Variants in ANO2 observed in about 807,000 individuals in gnomAD.
ANO2 encodes anoctamin 2.
In ANO2, 101 loss-of-function variants were observed where a neutral mutation model predicts 124.2. The observed-to-expected ratio is 0.81, with a 90% CI of 0.69 to 0.96. The LOEUF is 0.96. Among genes scored for constraint, ANO2 ranks in the 40% least tolerant of loss-of-function variants. ANO2 has a pLI of 0.00. For missense variants in ANO2, 1,293 were observed against 1,274.5 expected (o/e 1.01, Z -0.22); for synonymous variants, 486 against 482.5 (o/e 1.01, Z -0.09).
chr12:5,612,757 C>A lies in ANO2; in HGVS notation c.1987-1G>T. The A allele has an allele frequency of 6.2e-7, 1 of 1,613,760 alleles. No homozygotes were observed. On this transcript the variant is annotated splice_acceptor_variant, in intron 18 of 24. Coordinates refer to ENST00000682330, the MANE Select transcript of ANO2 (RefSeq NM_001364791.2). LOFTEE classifies it high-confidence loss of function. ...CCATGAGACAGCCCCCTGGAGCACA[C>A]TGCAGGGAGAAGATAAGGAAAGGAC...
chr12:5,577,447 G>A (rs1230797819), intron 22 of ANO2, among the ~76,000 whole-genome samples: 1 of 152,238 alleles, frequency 6.6e-6, no homozygotes, highest in Non-Finnish European at 1.5e-5. Context: ...TCTGGCAAGG[G>A]AGTTAAGGAG....
At chr12:5,883,622 G>A (rs199974183) in intron 3 of ANO2, among the ~76,000 whole-genome samples, 1 of 151,818 alleles carries the variant, frequency 6.6e-6, no homozygotes, top group East Asian at 1.9e-4. Context: ...CCATGGAGAA[G>A]CAGGGTGTGG....
intron 14 of ANO2, among the ~76,000 whole-genome samples, chr12:5,675,618 A>G (rs2136993423): frequency 6.6e-6 from 1 of 152,272 alleles, no homozygotes; most frequent in Admixed American, 6.5e-5. Context: ...CTCGTAACCC[A>G]TTCCCTTGCC....
Position 5,635,004 on chromosome 12 carries a change from C to T in ANO2, c.1816+148G>A, listed in dbSNP as rs1945929333. 1.5e-6 allele frequency: 1 copy of T among 674,006 alleles called. No individual in the cohort carries two copies. The highest frequency in any genetic ancestry group is 3.7e-5 in the Admixed American group (1 of 27,382). The allele number at this position is 674,006 out of a possible 1,614,324, so 41.8% of individuals were successfully genotyped here. On this transcript the variant is annotated intron_variant, in intron 16 of 24. Coordinates refer to ENST00000682330, the MANE Select transcript of ANO2 (RefSeq NM_001364791.2). The surrounding 1 kb of genome is among the most constrained non-coding windows in gnomAD (Gnocchi z 5.2). Reference sequence around the variant, plus strand: ...CCTTTGACAGCCCTACAAATACACACACGTTGCACTTCCCCATTTCTCTAA... The same window carrying T: ...CCTTTGACAGCCCTACAAATACACATACGTTGCACTTCCCCATTTCTCTAA...
At chr12:5,941,963 A>G (rs1237129298) in intron 1 of ANO2, among the ~76,000 whole-genome samples, 1 of 152,226 alleles carries the variant, frequency 6.6e-6, no homozygotes, top group Non-Finnish European at 1.5e-5. Flanking sequence ...TCATAAAAAC[A>G]CAAGTTGAGA....
At chr12:5,675,819 C>T (rs1191132827) in intron 14 of ANO2, among the ~76,000 whole-genome samples, 2 of 152,198 alleles carry the variant, frequency 1.3e-5, no homozygotes, top group Non-Finnish European at 1.5e-5. Context: ...TCTGCTGTGG[C>T]CATTTGTGCA....
At chr12:5,786,157 T>A (rs562775276) in intron 10 of ANO2, among the ~76,000 whole-genome samples, 1 of 152,234 alleles carries the variant, frequency 6.6e-6, no homozygotes, top group Admixed American at 6.5e-5. Context: ...AATCCCTGGT[T>A]CAACTTGACC....
chr12:5,609,952 T>C (rs1944404690), intron 19 of ANO2, among the ~76,000 whole-genome samples: 1 of 144,498 alleles, frequency 6.9e-6, no homozygotes, highest in African/African-American at 2.5e-5. Flanking sequence ...TTTTATAAAA[T>C]GTATACATAC....
intron 10 of ANO2, among the ~76,000 whole-genome samples, chr12:5,767,494 A>G (rs1381278699): frequency 6.6e-6 from 1 of 152,216 alleles, no homozygotes; most frequent in Non-Finnish European, 1.5e-5. Flanking sequence ...AGTATTGGAG[A>G]GAAAGAAAGG....
chr12:5,678,096 G>A (rs1354240923), intron 14 of ANO2, among the ~76,000 whole-genome samples: 1 of 152,138 alleles, frequency 6.6e-6, no homozygotes, highest in Non-Finnish European at 1.5e-5. Flanking sequence ...TGTGGACCAA[G>A]CTCGCTTCTT....
At chr12:5,895,316 C>G (rs1237770832) in intron 3 of ANO2, among the ~76,000 whole-genome samples, 1 of 152,134 alleles carries the variant, frequency 6.6e-6, no homozygotes, top group African/African-American at 2.4e-5. Context: ...TATAGAAATG[C>G]TTGTGATTTT....
At chr12:5,852,171 T>C (rs904297690) in intron 4 of ANO2, among the ~76,000 whole-genome samples, 2 of 152,162 alleles carry the variant, frequency 1.3e-5, no homozygotes, top group African/African-American at 2.4e-5. Context: ...CTGAAACTAG[T>C]ATCATGTTGC....
At chr12:5,725,512 A>G (rs1435030310) in intron 14 of ANO2, among the ~76,000 whole-genome samples, 1 of 152,098 alleles carries the variant, frequency 6.6e-6, no homozygotes, top group African/African-American at 2.4e-5. Flanking sequence ...GACCCCAAAA[A>G]CTATATTTCC....
chr12:5,759,935 G>A (rs1191636199), intron 10 of ANO2, among the ~76,000 whole-genome samples: 1 of 125,624 alleles, frequency 8.0e-6, no homozygotes, highest in Admixed American at 7.9e-5. Flanking sequence ...TTGGGCAAAA[G>A]GAATATAATC....
chr12:5,582,438 G>T (rs1473536041), intron 20 of ANO2, among the ~76,000 whole-genome samples: 1 of 152,162 alleles, frequency 6.6e-6, no homozygotes, highest in Non-Finnish European at 1.5e-5. Flanking sequence ...CTGAGTTTAG[G>T]TTAAAATAAC....
At chr12:5,640,691 G>C (rs1357084085) in intron 15 of ANO2, among the ~76,000 whole-genome samples, 1 of 152,200 alleles carries the variant, frequency 6.6e-6, no homozygotes, top group Non-Finnish European at 1.5e-5. Context: ...TCCCACACCA[G>C]TTAGAATGGC....
At chr12:5,613,080 G>C in intron 17 of ANO2, 122 bp from the exon 18 acceptor site, 1 of 936,878 alleles carries the variant, frequency 1.1e-6, no homozygotes. Flanking sequence ...GTCAGGGCGA[G>C]TGCTAGATCA....
intron 11 of ANO2, among the ~76,000 whole-genome samples, chr12:5,748,632 T>C (rs17785973): frequency 0.12 from 18,332 of 152,164 alleles, 1,176 homozygotes; most frequent in Middle Eastern, 0.2. Context: ...TGTATAACAT[T>C]GATCTCTTAC....
chr12:5,712,084 G>T (rs901153479), intron 14 of ANO2, among the ~76,000 whole-genome samples: 2 of 152,136 alleles, frequency 1.3e-5, no homozygotes, highest in Non-Finnish European at 2.9e-5. Context: ...AAGAAACAAG[G>T]TCAAACAGAA....
Sources: allele counts gnomAD v4.1 joint callset (sites outside exome capture counted in the v4.1 genomes callset), GRCh38; gene constraint gnomAD v4.1.1; non-coding constraint Gnocchi (gnomAD v3.1); transcripts MANE v1.5; gene names NCBI Gene and HGNC (gene_info 2026-07-23, HGNC 2026-07-21).